The following TBC1D5 variants were observed in gnomAD, a reference collection of about 807,000 sequenced individuals.
The protein encoded by TBC1D5 is TBC1 domain family member 5.
TBC1D5 carries 75 observed loss-of-function variants against 100.3 expected under a neutral mutation model. The observed-to-expected ratio is 0.75, with a 90% CI of 0.62 to 0.91. The LOEUF (loss-of-function observed/expected upper bound fraction) is 0.91. Ranked by LOEUF, TBC1D5 falls within the 40% of genes least tolerant of loss-of-function variation. TBC1D5 has a pLI of 0.00. For synonymous variants in TBC1D5, 323 were observed against 325.6 expected (o/e 0.99, Z 0.09); for missense variants, 910 against 942.4 (o/e 0.97, Z 0.45).
At chr3:17,475,251 A>C (rs912876327) in intron 3 of TBC1D5, among the ~76,000 whole-genome samples, 1 of 151,806 alleles carries the variant, frequency 6.6e-6, no homozygotes, top group Non-Finnish European at 1.5e-5. Flanking sequence ...ATATCTTAAG[A>C]CTTTACATCT....
intron 3 of TBC1D5, among the ~76,000 whole-genome samples, chr3:17,447,933 G>C (rs750091414): frequency 9.2e-5 from 14 of 152,100 alleles, no homozygotes; most frequent in Non-Finnish European, 1.9e-4. Flanking sequence ...TAAATAGCTG[G>C]TTAAACTTGT....
intron 4 of TBC1D5, among the ~76,000 whole-genome samples, chr3:17,421,937 A>G (rs1353033069): frequency 1.3e-5 from 2 of 152,188 alleles, no homozygotes; most frequent in African/African-American, 4.8e-5. Context: ...AGCAAGGCTC[A>G]TGGAATCAGG....
At chr3:17,389,521 C>A (rs1315415226) in intron 8 of TBC1D5, among the ~76,000 whole-genome samples, 1 of 152,108 alleles carries the variant, frequency 6.6e-6, no homozygotes, top group Non-Finnish European at 1.5e-5. Flanking sequence ...GGAAGCCAAA[C>A]AGCCATATGA....
At chr3:17,235,277 A>G (rs554055876) in intron 17 of TBC1D5, among the ~76,000 whole-genome samples, 1 of 152,368 alleles carries the variant, frequency 6.6e-6, no homozygotes, top group Non-Finnish European at 1.5e-5. Context: ...CCCCTATCTA[A>G]GCATACAAGC....
intron 15 of TBC1D5, 80 bp from the exon 16 acceptor site, chr3:17,258,671 A>C (rs2077980885): frequency 1.8e-6 from 2 of 1,092,644 alleles, no homozygotes; most frequent in Non-Finnish European, 2.7e-6. Flanking sequence ...TGATCATTTT[A>C]ATATCCCTTC....
At chr3:17,355,052 T>C (rs1323967828) in intron 13 of TBC1D5, among the ~76,000 whole-genome samples, 1 of 152,164 alleles carries the variant, frequency 6.6e-6, no homozygotes, top group Non-Finnish European at 1.5e-5. Flanking sequence ...AACTGGACTG[T>C]AGTTTGCAAT....
At chr3:17,233,357 A>G (rs2075580284) in intron 17 of TBC1D5, among the ~76,000 whole-genome samples, 1 of 152,208 alleles carries the variant, frequency 6.6e-6, no homozygotes, top group African/African-American at 2.4e-5. Context: ...GCACCAGTGT[A>G]ACAAAAAGAA....
At chr3:17,441,022 T>C (rs190934303) in intron 3 of TBC1D5, among the ~76,000 whole-genome samples, 88 of 152,144 alleles carry the variant, frequency 5.8e-4, no homozygotes, top group Non-Finnish European at 9.7e-4. Flanking sequence ...GGAGAGTGGA[T>C]GAAGGGAGAC....
At chr3:17,316,913 C>G (rs770445874) in intron 13 of TBC1D5, among the ~76,000 whole-genome samples, 1 of 152,168 alleles carries the variant, frequency 6.6e-6, no homozygotes, top group Non-Finnish European at 1.5e-5. Flanking sequence ...ACAAGTATTT[C>G]CTAAACTTCA....
intron 3 of TBC1D5, among the ~76,000 whole-genome samples, chr3:17,506,053 G>T (rs1044708033): frequency 6.6e-6 from 1 of 152,188 alleles, no homozygotes; most frequent in African/African-American, 2.4e-5. Context: ...CTAAAGTGCA[G>T]TGTTTAAATA....
intron 18 of TBC1D5, among the ~76,000 whole-genome samples, chr3:17,185,732 C>T (rs2068965976): frequency 6.6e-6 from 1 of 151,914 alleles, no homozygotes; most frequent in South Asian, 2.1e-4. Flanking sequence ...AGACATAGCT[C>T]ATCATTTTCT....
chr3:17,200,694 T>C (rs1324086890), intron 18 of TBC1D5, among the ~76,000 whole-genome samples: 2 of 152,256 alleles, frequency 1.3e-5, no homozygotes, highest in African/African-American at 4.8e-5. Context: ...AATTTGATTA[T>C]ATTACCTTCT....
chr3:17,511,208 T>C (rs751008286), intron 2 of TBC1D5, among the ~76,000 whole-genome samples: 5 of 152,056 alleles, frequency 3.3e-5, no homozygotes, highest in Non-Finnish European at 5.9e-5. Flanking sequence ...GATTAAACAC[T>C]TTTCAAAATT....
At chr3:17,678,635 C>A (rs1421925852) in intron 1 of TBC1D5, among the ~76,000 whole-genome samples, 1 of 133,858 alleles carries the variant, frequency 7.5e-6, no homozygotes. Context: ...TGCTGAATCT[C>A]CAACTAAGAG....
At chr3:17,215,113 G>A (rs1046654003) in intron 17 of TBC1D5, among the ~76,000 whole-genome samples, 1 of 152,102 alleles carries the variant, frequency 6.6e-6, no homozygotes, top group Non-Finnish European at 1.5e-5. Flanking sequence ...GCTATGGGAT[G>A]TCACTAGAGG....
At chr3:17,296,235 T>C (rs981930422) in intron 14 of TBC1D5, among the ~76,000 whole-genome samples, 2 of 152,182 alleles carry the variant, frequency 1.3e-5, no homozygotes, top group Non-Finnish European at 2.9e-5. Context: ...AAGAAAACCT[T>C]CTTTCTTTTA....
At chr3:17,219,892 G>A (rs1271632468) in intron 17 of TBC1D5, among the ~76,000 whole-genome samples, 1 of 151,996 alleles carries the variant, frequency 6.6e-6, no homozygotes, top group Non-Finnish European at 1.5e-5. Flanking sequence ...CTGTTCTTAT[G>A]ACTTTATGGA....
intron 2 of TBC1D5, among the ~76,000 whole-genome samples, chr3:17,585,459 C>A (rs73165740): frequency 0.051 from 7,690 of 152,226 alleles, 614 homozygotes; most frequent in African/African-American, 0.17. Flanking sequence ...GATCTCAGTA[C>A]TTGTGCTTAT....
At chr3:17,557,822 T>A (rs1212589696) in intron 2 of TBC1D5, among the ~76,000 whole-genome samples, 1 of 152,136 alleles carries the variant, frequency 6.6e-6, no homozygotes, top group Non-Finnish European at 1.5e-5. Flanking sequence ...ATCAGAAATT[T>A]TAGTAAAACA....
Sources: gnomAD v4.1 joint callset for allele counts (sites outside exome capture counted in the v4.1 genomes callset) on GRCh38, gnomAD v4.1.1 for gene constraint, MANE v1.5 for transcripts, NCBI Gene and HGNC (gene_info 2026-07-23, HGNC 2026-07-21) for gene names.